NAV3: variants seen among roughly 807,000 people sequenced by gnomAD.
The protein encoded by NAV3 is neuron navigator 3.
Under a neutral mutation model 244.7 loss-of-function variants are expected in NAV3, and 87 were observed. The ratio of observed to expected loss-of-function variants is 0.36; its 90% CI spans 0.30 to 0.42. The LOEUF (loss-of-function observed/expected upper bound fraction) is 0.42. NAV3 is among the 20% of genes least tolerant of loss of function. NAV3 has a pLI of 1.00. For synonymous variants in NAV3, 1,126 were observed against 1,042.2 expected, an observed-to-expected ratio of 1.08 and a Z score of -1.55; for missense variants, 2,663 against 2,893.3, an observed-to-expected ratio of 0.92 and a Z score of 1.83.
At chr12:77,677,802 A>G (rs1168580330) in intron 2 of NAV3, among the ~76,000 whole-genome samples, 1 of 152,212 alleles carries the variant, frequency 6.6e-6, no homozygotes, top group Non-Finnish European at 1.5e-5. Flanking sequence ...TAAACAACCT[A>G]CTAATGTAAC....
chr12:77,816,467 A>G (rs1323816169), intron 2 of NAV3, among the ~76,000 whole-genome samples: 1 of 152,196 alleles, frequency 6.6e-6, no homozygotes, highest in Non-Finnish European at 1.5e-5. Flanking sequence ...TGAGTTAATT[A>G]TTAAGTACTA....
At chr12:77,931,188 C>T (rs1300004364) in intron 1 of NAV3, among the ~76,000 whole-genome samples, 1 of 151,928 alleles carries the variant, frequency 6.6e-6, no homozygotes, top group Non-Finnish European at 1.5e-5. Flanking sequence ...TTTGATCTCC[C>T]TTCCAATAAA....
At chr12:77,690,959 G>T (rs769983751) in intron 2 of NAV3, among the ~76,000 whole-genome samples, 65 of 150,748 alleles carry the variant, frequency 4.3e-4, no homozygotes, top group Non-Finnish European at 7.7e-4. Context: ...GCAATAAATT[G>T]TGCTCTTAAT....
At chr12:78,020,994 G>A (rs753879985) in intron 8 of NAV3, among the ~76,000 whole-genome samples, 1 of 152,064 alleles carries the variant, frequency 6.6e-6, no homozygotes, top group African/African-American at 2.4e-5. Context: ...AATATACGTC[G>A]ATTTTGAAGC....
chr12:77,832,153 C>T (rs2370040), intron 1 of NAV3, among the ~76,000 whole-genome samples: 145,993 of 152,318 alleles, frequency 0.96, 70,279 homozygotes, highest in East Asian at 1. Flanking sequence ...AGAATTTCTG[C>T]TTGAAAATTT....
chr12:77,758,818 A>G (rs879547413), intron 2 of NAV3, among the ~76,000 whole-genome samples: 3 of 152,248 alleles, frequency 2.0e-5, no homozygotes, highest in Admixed American at 6.5e-5. Context: ...AGAGCAATGA[A>G]TTCAATAGTA....
chr12:77,843,523 ATT>A (rs577447748), intron 1 of NAV3, among the ~76,000 whole-genome samples: 128 of 140,178 alleles, frequency 9.1e-4, no homozygotes, highest in Non-Finnish European at 1.7e-3. Flanking sequence ...TTAAATTCCT[ATT>A]TTTTTTTTTT....
At chr12:78,053,235 T>A (rs1046620007) in intron 11 of NAV3, among the ~76,000 whole-genome samples, 3 of 148,928 alleles carry the variant, frequency 2.0e-5, no homozygotes, top group African/African-American at 2.5e-5. Context: ...ATATATATAA[T>A]ATATATATGT....
intron 20 of NAV3, among the ~76,000 whole-genome samples, chr12:78,145,274 A>T (rs888094327): frequency 1.3e-5 from 2 of 152,214 alleles, no homozygotes; most frequent in African/African-American, 4.8e-5. Flanking sequence ...CTAAGTTTAC[A>T]TATTTTTAAA....
intron 2 of NAV3, among the ~76,000 whole-genome samples, chr12:77,757,979 C>T (rs952326723): frequency 1.3e-5 from 2 of 152,174 alleles, no homozygotes; most frequent in African/African-American, 2.4e-5. Context: ...GATCTGACCC[C>T]GTGACTCTTT....
At chr12:77,810,392 C>T (rs1354256327) in intron 2 of NAV3, among the ~76,000 whole-genome samples, 3 of 152,070 alleles carry the variant, frequency 2.0e-5, no homozygotes, top group Non-Finnish European at 4.4e-5. Flanking sequence ...AGGATGGTCT[C>T]GATCTCCTGA....
At chr12:78,062,219 A>G (rs1399065703) in intron 12 of NAV3, among the ~76,000 whole-genome samples, 1 of 152,160 alleles carries the variant, frequency 6.6e-6, no homozygotes, top group Non-Finnish European at 1.5e-5. Context: ...TAGGAACTCA[A>G]TAAATATATC....
At chr12:77,931,910 G>A (rs111374828) in intron 1 of NAV3, among the ~76,000 whole-genome samples, 5,307 of 49,604 alleles carry the variant, frequency 0.11, 114 homozygotes, top group Middle Eastern at 0.27. Flanking sequence ...GTGCGTGTGT[G>A]TTTGTGTGTG....
chr12:77,942,109 A>C (rs1387499043), intron 3 of NAV3, among the ~76,000 whole-genome samples: 22 of 152,246 alleles, frequency 1.4e-4, no homozygotes, highest in Admixed American at 1.4e-3. Context: ...GTGGTGGCTC[A>C]CACCTGTAAT....
At chr12:77,698,200 C>G (rs998632768) in intron 2 of NAV3, among the ~76,000 whole-genome samples, 2 of 152,142 alleles carry the variant, frequency 1.3e-5, no homozygotes, top group Non-Finnish European at 2.9e-5. Flanking sequence ...GCATGTTACT[C>G]CATCTCATCC....
At chr12:78,201,904 C>T (rs928826505) in intron 38 of NAV3, among the ~76,000 whole-genome samples, 3 of 151,830 alleles carry the variant, frequency 2.0e-5, no homozygotes, top group Non-Finnish European at 4.4e-5. Flanking sequence ...CTGTCAGGCT[C>T]TCTTTATCTA....
intron 5 of NAV3, among the ~76,000 whole-genome samples, chr12:77,983,842 T>A (rs1199779266): frequency 6.6e-6 from 1 of 152,216 alleles, no homozygotes; most frequent in Non-Finnish European, 1.5e-5. Flanking sequence ...AAGTACTTCG[T>A]CTTCTGAGAC....
At chr12:77,576,489 C>G (rs1869090941) in intron 2 of NAV3, among the ~76,000 whole-genome samples, 1 of 152,088 alleles carries the variant, frequency 6.6e-6, no homozygotes, top group Admixed American at 6.6e-5. Context: ...AAACATCACC[C>G]ACTTACGATT....
intron 1 of NAV3, among the ~76,000 whole-genome samples, chr12:77,878,631 G>C (rs915241446): frequency 6.7e-6 from 1 of 150,302 alleles, no homozygotes; most frequent in African/African-American, 2.5e-5. Context: ...TATGGAAACT[G>C]TATTATCTTC....
Sources: allele counts gnomAD v4.1 joint callset (sites outside exome capture counted in the v4.1 genomes callset), GRCh38; gene constraint gnomAD v4.1.1; transcripts MANE v1.5; gene names NCBI Gene and HGNC (gene_info 2026-07-23, HGNC 2026-07-21).